The following TRPV1 variants were observed in gnomAD, a reference collection of about 807,000 sequenced individuals.
TRPV1 encodes transient receptor potential cation channel subfamily V member 1.
In TRPV1, 82 loss-of-function variants were observed where a neutral mutation model predicts 82.3. The observed-to-expected ratio is 1.00, with a 90% CI of 0.83 to 1.20. The LOEUF is 1.20. Ranked by LOEUF, TRPV1 falls within the 50% of genes most tolerant of loss-of-function variation. The pLI, the probability that TRPV1 is intolerant of heterozygous loss-of-function variation, is 0.00. For synonymous variants in TRPV1, 515 were observed against 467.7 expected, an observed-to-expected ratio of 1.10 and a Z score of -1.30; for missense variants, 1,067 against 1,096.8, an observed-to-expected ratio of 0.97 and a Z score of 0.38.
chr17:3,579,601 G>A (rs747285993), intron 11 of TRPV1, among the ~76,000 whole-genome samples: 1 of 152,002 alleles, frequency 6.6e-6, no homozygotes, highest in Non-Finnish European at 1.5e-5. Context: ...TCAGCCTCCC[G>A]AGTAGCTGGG....
chr17:3,591,561 C>T (rs1401068914), intron 3 of TRPV1, among the ~76,000 whole-genome samples: 1 of 152,234 alleles, frequency 6.6e-6, no homozygotes, highest in Non-Finnish European at 1.5e-5. Flanking sequence ...CTGTCCCCAC[C>T]CTGTCTATAG....
intron 2 of TRPV1, among the ~76,000 whole-genome samples, chr17:3,601,081 G>A (rs112721194): frequency 1.3e-5 from 2 of 151,042 alleles, no homozygotes; most frequent in South Asian, 2.1e-4. Flanking sequence ...CTCCCCTCCC[G>A]CTCCCTGCAG....
intron 16 of TRPV1, among the ~76,000 whole-genome samples, chr17:3,569,796 G>T (rs2074822471): frequency 6.6e-6 from 1 of 152,176 alleles, no homozygotes; most frequent in South Asian, 2.1e-4. Context: ...TATTTAAAGG[G>T]TGTTAAGAAG....
intron 16 of TRPV1, 119 bp downstream of exon 16, chr17:3,571,405 G>A: frequency 1.3e-6 from 1 of 741,666 alleles, no homozygotes; most frequent in Admixed American, 2.5e-5. Flanking sequence ...AGCTGCCACA[G>A]CGCCCGGGTC....
At chr17:3,568,083 G>A (rs2074794683) in intron 16 of TRPV1, among the ~76,000 whole-genome samples, 1 of 152,188 alleles carries the variant, frequency 6.6e-6, no homozygotes, top group South Asian at 2.1e-4. Flanking sequence ...AGCACTGTGG[G>A]AGGCCGAGGC....
In TRPV1 at chr17:3,566,220, G is replaced by A. The variant is rs1172771889; in HGVS notation, c.*595C>T. 1 of 150,234 alleles carries A rather than the reference G, an allele frequency of 6.7e-6. No individual in the cohort carries two copies. Among genetic ancestry groups the A allele is most frequent in the Admixed American group, 6.7e-5 (1 of 15,002 alleles). The allele number at this position is 150,234 out of a possible 1,614,324, so 9.3% of individuals were successfully genotyped here. A position where few individuals can be genotyped will look rare whatever the true frequency, so the allele number is the denominator to read the frequency against. On this transcript the variant is annotated 3_prime_UTR_variant, in exon 17 of 17. Transcript: ENST00000572705. ...AAATCAAAGAAAACAGCCAGGTGTG[G>A]AGGCTCACACCTGTAATCCCAGCAC...
At chr17:3,607,397 G>T (rs1347464667) in intron 2 of TRPV1, among the ~76,000 whole-genome samples, 5 of 151,814 alleles carry the variant, frequency 3.3e-5, no homozygotes, top group African/African-American at 1.2e-4. Flanking sequence ...TATGTCCCAA[G>T]ACCCTGCATA....
chr17:3,587,082 G>C (rs2075094139), intron 8 of TRPV1, among the ~76,000 whole-genome samples: 2 of 152,184 alleles, frequency 1.3e-5, no homozygotes, highest in African/African-American at 4.8e-5. Context: ...CCTTGTCCCT[G>C]AGAGCCTTTA....
At chr17:3,574,272 C>G (rs1409346289) in intron 13 of TRPV1, among the ~76,000 whole-genome samples, 1 of 152,188 alleles carries the variant, frequency 6.6e-6, no homozygotes, top group East Asian at 1.9e-4. Flanking sequence ...ACCCTGTTGG[C>G]CTGCATCCCT....
intron 9 of TRPV1, among the ~76,000 whole-genome samples, chr17:3,583,842 G>A (rs545844997): frequency 6.6e-6 from 1 of 152,350 alleles, no homozygotes; most frequent in Non-Finnish European, 1.5e-5. Flanking sequence ...ACTGACCATG[G>A]AGGGAGAGAC....
chr17:3,597,085 T>C (rs1377771870), intron 2 of TRPV1: 1 of 152,392 alleles, frequency 6.6e-6, no homozygotes, highest in Non-Finnish European at 1.5e-5. Flanking sequence ...GGAGTCGCTG[T>C]GGACGCCCTT....
intron 13 of TRPV1, 63 bp downstream of exon 13, chr17:3,577,063 G>C: frequency 6.6e-7 from 1 of 1,520,130 alleles, no homozygotes; most frequent in Non-Finnish European, 8.9e-7. Context: ...TCCTGGCAGA[G>C]TCTTCAGAAG....
At chr17:3,607,170 C>G (rs1012301155) in intron 2 of TRPV1, among the ~76,000 whole-genome samples, 2 of 151,984 alleles carry the variant, frequency 1.3e-5, no homozygotes, top group Admixed American at 6.6e-5. Flanking sequence ...ATGGTGAAAC[C>G]CCATCTCTAC....
intron 7 of TRPV1, among the ~76,000 whole-genome samples, chr17:3,589,199 T>C (rs2075122346): frequency 8.3e-6 from 1 of 120,998 alleles, no homozygotes; most frequent in African/African-American, 3.0e-5. Flanking sequence ...CAACAGCTTT[T>C]TTCTTTTTCC....
chr17:3,582,836 T>C (rs2075038168), intron 10 of TRPV1, among the ~76,000 whole-genome samples: 2 of 138,450 alleles, frequency 1.4e-5, no homozygotes, highest in South Asian at 4.9e-4. Context: ...GGCAGGCGCC[T>C]GTAATCCCAG....
In TRPV1 at chr17:3,588,227, C is replaced by A; in HGVS notation, c.1185G>T (p.Ser395=). The A allele has an allele frequency of 6.3e-7, 1 of 1,577,426 alleles. No individual in the cohort carries two copies. Among genetic ancestry groups the A allele is most frequent in the East Asian group, 2.3e-5 (1 of 42,562 alleles). Residue 395 remains serine (S), a synonymous_variant, in exon 8 of 17, where the codon TCG becomes TCT. Transcript: ENST00000572705. The part of the protein sequence containing the change: ...LSCIDTCEKN[S]VLEVIAYSSS... ...TGCTGTAGGCGATCACCTCCAGCAC[C>A]GAGTTCTTCTCGCAGGTGTCGATGC... is the stretch of plus-strand genomic sequence containing the variant.
chr17:3,584,402 C>CAAAA lies in TRPV1; in HGVS notation c.1384-976_1384-973dup, dbSNP rs1447579699. 1.2e-3 allele frequency among the ~76,000 whole-genome samples: 20 copies of CAAAA among 16,766 alleles called. 3 individuals carry two copies. The highest frequency in any genetic ancestry group is 2.8e-3 in the African/African-American group (12 of 4,342). The allele number at this position is 16,766 out of a possible 152,430, so 11.0% of individuals were successfully genotyped here. ...TGGAAAACAGAGAGAGACTCTGTCT[C>CAAAA]AAAAAAAAAAAAAATAAAATAAAAA... On this transcript the variant is annotated intron_variant, in intron 9 of 16. Coordinates refer to ENST00000572705, the MANE Select transcript of TRPV1 (RefSeq NM_080704.4).
chr17:3,593,112 G>C (rs866316043), intron 2 of TRPV1, among the ~76,000 whole-genome samples: 28 of 88,454 alleles, frequency 3.2e-4, no homozygotes, highest in African/African-American at 2.8e-3. Context: ...GTGTGTGTGT[G>C]TGTGTGTGTG....
At position 3,566,798 on chromosome 17, in the gene TRPV1, C is replaced by T. The variant is rs2074769190; in HGVS notation, c.*17G>A. On this transcript the variant is annotated 3_prime_UTR_variant, in exon 17 of 17. Coordinates refer to ENST00000572705, the MANE Select transcript of TRPV1 (RefSeq NM_080704.4). ...CTCCTAAGGCCCAGTGTTGACAGTG[C>T]TGTCTGCGTGACGTCCTCACTTCTC... 6.2e-7 allele frequency: 1 copy of T among 1,611,666 alleles called. No individual in the cohort carries two copies. The highest frequency in any genetic ancestry group is 8.5e-7 in the Non-Finnish European group (1 of 1,178,980).
Sources: allele counts gnomAD v4.1 joint callset (sites outside exome capture counted in the v4.1 genomes callset), GRCh38; gene constraint gnomAD v4.1.1; transcripts MANE v1.5; gene names NCBI Gene and HGNC (gene_info 2026-07-23, HGNC 2026-07-21).